DNAH14: variants seen among roughly 807,000 people sequenced by gnomAD.
DNAH14 encodes the protein axonemal beta dynein heavy chain 14.
DNAH14 carries 478 observed loss-of-function variants against 520.9 expected under a neutral mutation model. The ratio of observed to expected loss-of-function variants is 0.92; its 90% CI spans 0.85 to 0.99. The LOEUF is 0.99. DNAH14 is among the 50% of genes least tolerant of loss of function. DNAH14 has a pLI of 0.00. For missense variants in DNAH14, 4,831 were observed against 5,234.5 expected, an observed-to-expected ratio of 0.92 and a Z score of 2.38; for synonymous variants, 1,581 against 1,757.2, an observed-to-expected ratio of 0.90 and a Z score of 2.51.
chr1:225,257,565 A>G, intron 44 of DNAH14, among the ~76,000 whole-genome samples: 1 of 145,872 alleles, frequency 6.9e-6, no homozygotes, highest in East Asian at 2.0e-4. Context: ...TTTGAGACGG[A>G]GTCTCTGTCG....
intron 54 of DNAH14, 70 bp downstream of exon 54, chr1:225,277,572 A>G: frequency 2.2e-6 from 1 of 450,262 alleles, no homozygotes; most frequent in South Asian, 1.6e-5. Context: ...AATCTACTGT[A>G]CTTACAGAAG....
chr1:225,078,857 T>C (rs866583062), intron 17 of DNAH14, among the ~76,000 whole-genome samples: 17 of 27,054 alleles, frequency 6.3e-4, no homozygotes, highest in South Asian at 5.4e-3. Context: ...TCTCTCTCTC[T>C]CCCTCTCTCT....
Position 225,335,853 on chromosome 1 carries a change from GTACATATATGTACATACACATA to G in DNAH14, c.10081-1396_10081-1375del, listed in dbSNP as rs1191985147. Among the ~76,000 whole-genome samples, 46 of 105,702 alleles carry G rather than the reference GTACATATATGTACATACACATA, an allele frequency of 4.4e-4. 3 individuals are homozygous for G. The highest frequency in any genetic ancestry group is 1.8e-3 in the South Asian group (6 of 3,320). The allele number at this position is 105,702 out of a possible 152,430, so 69.3% of individuals were successfully genotyped here. On this transcript the variant is annotated intron_variant, in intron 66 of 85. Coordinates refer to ENST00000682510, the MANE Select transcript of DNAH14 (RefSeq NM_001367479.1). The stretch of plus-strand genomic sequence containing the variant: ...TGTACATATATGTACATACACATAT[GTACATATATGTACATACACATA>G]TACATATATGTACATATACATACAT...
intron 79 of DNAH14, among the ~76,000 whole-genome samples, chr1:225,379,550 T>C (rs536259839): frequency 1.1e-3 from 163 of 152,074 alleles, no homozygotes; most frequent in African/African-American, 3.7e-3. Context: ...TTTTTTGAGA[T>C]AGAGTCTCGC....
chr1:225,110,829 TG>T (rs1311926675), intron 23 of DNAH14, among the ~76,000 whole-genome samples: 1 of 152,042 alleles, frequency 6.6e-6, no homozygotes, highest in Non-Finnish European at 1.5e-5. Flanking sequence ...TGGTATGTTG[TG>T]TTTCTGTTAT....
chr1:225,337,052 T>C (rs2095072277), intron 66 of DNAH14, among the ~76,000 whole-genome samples: 1 of 152,206 alleles, frequency 6.6e-6, no homozygotes, highest in African/African-American at 2.4e-5. Flanking sequence ...CATAATGCCC[T>C]TATTGTTGAA....
intron 17 of DNAH14, among the ~76,000 whole-genome samples, chr1:225,059,665 C>T (rs535436053): frequency 0.05 from 7,601 of 152,056 alleles, no homozygotes; most frequent in Non-Finnish European, 0.074. Flanking sequence ...TGGCTGGTAC[C>T]AGTTGTTCCT....
intron 41 of DNAH14, among the ~76,000 whole-genome samples, chr1:225,224,155 A>G (rs950562054): frequency 2.0e-5 from 3 of 152,094 alleles, no homozygotes; most frequent in African/African-American, 4.8e-5. Flanking sequence ...CACCTTGGGC[A>G]TAACTACTGA....
At position 225,354,415 on chromosome 1, in the gene DNAH14, G is replaced by C. The variant is rs2095407861; in HGVS notation, c.11619+527G>C. On this transcript the variant is annotated intron_variant, in intron 73 of 85. Transcript: ENST00000682510. Reference sequence around the variant, plus strand: ...CTATTTCTCAATTGTTTCAGAAACTGGCTGAGGGTAGAGGTTGGTGGATTA... The same window carrying C: ...CTATTTCTCAATTGTTTCAGAAACTCGCTGAGGGTAGAGGTTGGTGGATTA... The C allele has an allele frequency of 1.9e-5, 12 of 619,744 alleles. No individual in the cohort carries two copies. In the South Asian group the frequency reaches 2.2e-4, roughly 11 times the overall value. 38.4% of individuals were successfully genotyped at this position (619,744 alleles called of 1,614,324 possible). A position where few individuals can be genotyped will look rare whatever the true frequency, so the allele number is the denominator to read the frequency against.
intron 64 of DNAH14, among the ~76,000 whole-genome samples, chr1:225,325,345 C>T (rs1302964594): frequency 2.0e-5 from 3 of 151,848 alleles, no homozygotes; most frequent in East Asian, 1.9e-4. Flanking sequence ...ATTAGCTGGG[C>T]GTGGTGGCAG....
intron 42 of DNAH14, among the ~76,000 whole-genome samples, chr1:225,240,348 T>C (rs1420729507): frequency 6.6e-6 from 1 of 150,902 alleles, no homozygotes; most frequent in Non-Finnish European, 1.5e-5. Flanking sequence ...TAAAAGTATA[T>C]TTGAAATAAA....
chr1:225,131,494 C>A (rs373469874), intron 27 of DNAH14, among the ~76,000 whole-genome samples: 2 of 152,186 alleles, frequency 1.3e-5, no homozygotes, highest in South Asian at 4.1e-4. Context: ...TCTCTCTGCT[C>A]ACAGGCAGAA....
At chr1:225,386,142 T>C (rs1575142070) in intron 81 of DNAH14, among the ~76,000 whole-genome samples, 1 of 152,328 alleles carries the variant, frequency 6.6e-6, no homozygotes, top group African/African-American at 2.4e-5. Flanking sequence ...CGATTCCCTA[T>C]TTAATAAATG....
At chr1:225,100,650 A>G in intron 22 of DNAH14, 63 bp from the exon 23 acceptor site, 1 of 1,270,142 alleles carries the variant, frequency 7.9e-7, no homozygotes, top group East Asian at 2.7e-5. Context: ...AATGCATTAC[A>G]TTATAGATTT....
chr1:225,209,505 T>C (rs1210030816), intron 41 of DNAH14, among the ~76,000 whole-genome samples: 1 of 152,098 alleles, frequency 6.6e-6, no homozygotes, highest in Non-Finnish European at 1.5e-5. Context: ...GGCATGGTGT[T>C]TCTCAGCAAA....
At chr1:225,216,407 C>G (rs2089332573) in intron 41 of DNAH14, among the ~76,000 whole-genome samples, 1 of 152,218 alleles carries the variant, frequency 6.6e-6, no homozygotes, top group Non-Finnish European at 1.5e-5. Context: ...ATCTTTGTGG[C>G]ATTCTCTGTA....
chr1:225,356,722 G>A (rs1416749827), intron 73 of DNAH14, among the ~76,000 whole-genome samples: 1 of 152,144 alleles, frequency 6.6e-6, no homozygotes, highest in Non-Finnish European at 1.5e-5. Context: ...AACAATATAA[G>A]AAACAACGTA....
At chr1:225,141,509 A>G (rs1294608346) in intron 28 of DNAH14, among the ~76,000 whole-genome samples, 1 of 152,004 alleles carries the variant, frequency 6.6e-6, no homozygotes, top group African/African-American at 2.4e-5. Context: ...AACATATTCC[A>G]TGCAGATAAG....
At chr1:225,302,858 T>C (rs2094165491) in intron 56 of DNAH14, among the ~76,000 whole-genome samples, 1 of 152,136 alleles carries the variant, frequency 6.6e-6, no homozygotes, top group African/African-American at 2.4e-5. Flanking sequence ...AGGAAAGAGT[T>C]AAACAGTCAG....
Sources: gnomAD v4.1 joint callset for allele counts (sites outside exome capture counted in the v4.1 genomes callset) on GRCh38, gnomAD v4.1.1 for gene constraint, MANE v1.5 for transcripts, NCBI Gene and HGNC (gene_info 2026-07-23, HGNC 2026-07-21) for gene names.